The following GRM7 variants were observed in gnomAD, a reference collection of about 807,000 sequenced individuals.
GRM7 encodes glutamate metabotropic receptor 7, also known as metabotropic glutamate receptor 7.
A neutral mutation model predicts 84.5 loss-of-function variants in GRM7; 35 were observed. The ratio of observed to expected loss-of-function variants is 0.41; its 90% CI spans 0.32 to 0.55. The LOEUF (loss-of-function observed/expected upper bound fraction) is 0.55. Among genes scored for constraint, GRM7 ranks in the 20% least tolerant of loss-of-function variants. GRM7 has a pLI of 0.19. For missense variants in GRM7, 1,003 were observed against 1,194.6 expected, an observed-to-expected ratio of 0.84 and a Z score of 2.36; for synonymous variants, 487 against 455.1, an observed-to-expected ratio of 1.07 and a Z score of -0.89.
At chr3:7,085,420 G>T (rs931062377) in intron 1 of GRM7, among the ~76,000 whole-genome samples, 1 of 151,974 alleles carries the variant, frequency 6.6e-6, no homozygotes, top group Non-Finnish European at 1.5e-5. Context: ...ATTCGACTTG[G>T]TATAGAATTA....
chr3:7,391,061 G>A (rs932678192), intron 4 of GRM7, among the ~76,000 whole-genome samples: 6 of 151,294 alleles, frequency 4.0e-5, no homozygotes, highest in African/African-American at 9.7e-5. Context: ...TTTTCCCTTG[G>A]AGGTATGATT....
Position 7,188,809 on chromosome 3 carries a change from G to T in GRM7, c.736+42141G>T, listed in dbSNP as rs1695609791. Among the ~76,000 whole-genome samples, 1 of 152,160 alleles carries T rather than the reference G, an allele frequency of 6.6e-6. No individual in the cohort carries two copies. Among genetic ancestry groups the T allele is most frequent in the Non-Finnish European group, 1.5e-5 (1 of 68,014 alleles). ...CCTCCTGTGGCCCTGATATTCTGTA[G>T]TGACTCATGATCATTGCATCCAAGC... is the stretch of plus-strand genomic sequence containing the variant. On this transcript the variant is annotated intron_variant, in intron 2 of 9. Transcript: ENST00000357716. The surrounding 1 kb of genome is among the most constrained non-coding windows in gnomAD (Gnocchi z 4.2).
chr3:7,215,480 C>T (rs1033077112), intron 2 of GRM7, among the ~76,000 whole-genome samples: 10 of 151,960 alleles, frequency 6.6e-5, no homozygotes, highest in Non-Finnish European at 1.2e-4. Context: ...CTGGCTAACA[C>T]AGTGAAACCC....
intron 4 of GRM7, among the ~76,000 whole-genome samples, chr3:7,374,801 A>G (rs562124221): frequency 3.9e-5 from 6 of 152,014 alleles, no homozygotes; most frequent in Non-Finnish European, 7.4e-5. Flanking sequence ...GGTATGAGCT[A>G]TTTTAATGAG....
At chr3:7,190,862 T>C (rs924584703) in intron 2 of GRM7, among the ~76,000 whole-genome samples, 2 of 152,070 alleles carry the variant, frequency 1.3e-5, no homozygotes, top group African/African-American at 4.8e-5. Context: ...AGGCATCAGA[T>C]AAAAGCTGTC....
chr3:6,908,279 G>A (rs1381293631), intron 1 of GRM7, among the ~76,000 whole-genome samples: 3 of 152,130 alleles, frequency 2.0e-5, no homozygotes, highest in Non-Finnish European at 4.4e-5. Context: ...CTGCTTACGC[G>A]GTTCTTTCAC....
rs79762030 is a variant in GRM7 at position 7,660,208 on chromosome 3, G to A, written c.2452-19841G>A. On this transcript the variant is annotated intron_variant, in intron 8 of 9. Coordinates refer to ENST00000357716, the MANE Select transcript of GRM7 (RefSeq NM_000844.4). ...TTAATGGTGACATCTGGCAGTCACC[G>A]CTTTAACCACATGATCAAATTTAGC... 9.0e-3 allele frequency among the ~76,000 whole-genome samples: 1,373 copies of A among 152,226 alleles called. 31 individuals are homozygous for A. The highest frequency in any genetic ancestry group is 0.054 in the East Asian group (277 of 5,166).
rs567947139 is a variant in GRM7, at chr3:7,038,385, A to G, written c.520-108067A>G. Among the ~76,000 whole-genome samples the G allele has an allele frequency of 2.5e-4, 38 of 152,280 alleles. No homozygotes were observed. In the South Asian group the frequency reaches 7.7e-3, roughly 31 times the overall value. ...TTGGTATCCTACAAACTATCTGCAG[A>G]CTTGCTTGATTCCGCTTTCCCTTTC... On this transcript the variant is annotated intron_variant, in intron 1 of 9. Coordinates refer to ENST00000357716, the MANE Select transcript of GRM7 (RefSeq NM_000844.4).
intron 9 of GRM7, among the ~76,000 whole-genome samples, chr3:7,708,568 T>G (rs564539359): frequency 3.9e-5 from 6 of 152,158 alleles, no homozygotes; most frequent in Admixed American, 3.9e-4. Flanking sequence ...CATTTAACTT[T>G]ATACAGGTAC....
chr3:7,527,891 A>G (rs1344898746), intron 7 of GRM7, among the ~76,000 whole-genome samples: 2 of 151,966 alleles, frequency 1.3e-5, no homozygotes, highest in East Asian at 1.9e-4. Context: ...TATTGTGTTG[A>G]ATTAACTTTC....
intron 1 of GRM7, among the ~76,000 whole-genome samples, chr3:7,058,417 G>C (rs1385702410): frequency 6.6e-6 from 1 of 151,812 alleles, no homozygotes; most frequent in African/African-American, 2.4e-5. Context: ...AGGTTTGGAA[G>C]AATTAGCTCA....
intron 7 of GRM7, among the ~76,000 whole-genome samples, chr3:7,560,800 G>A (rs1693987251): frequency 6.6e-6 from 1 of 152,072 alleles, no homozygotes; most frequent in Admixed American, 6.6e-5. Flanking sequence ...TTGCCTTCAT[G>A]TAATTCTATC....
intron 2 of GRM7, among the ~76,000 whole-genome samples, chr3:7,230,988 G>A (rs879382364): frequency 6.6e-6 from 1 of 152,250 alleles, no homozygotes; most frequent in African/African-American, 2.4e-5. Context: ...TTCTTCACAG[G>A]AGCACTGAAA....
chr3:7,304,476 A>G (rs73130254), intron 3 of GRM7, among the ~76,000 whole-genome samples: 1 of 151,330 alleles, frequency 6.6e-6, no homozygotes, highest in East Asian at 1.9e-4. Flanking sequence ...CTAAGTTTTT[A>G]AACTTGAAAA....
chr3:6,993,490 C>T (rs931678322), intron 1 of GRM7, among the ~76,000 whole-genome samples: 2 of 152,176 alleles, frequency 1.3e-5, no homozygotes, highest in Non-Finnish European at 2.9e-5. Context: ...ACATGGTGTG[C>T]GTCCAGTAAG....
At chr3:7,097,687 G>A (rs989834904) in intron 1 of GRM7, among the ~76,000 whole-genome samples, 1 of 152,036 alleles carries the variant, frequency 6.6e-6, no homozygotes, top group African/African-American at 2.4e-5. Context: ...GTACAAGTTT[G>A]GTCTATATAC....
At chr3:6,901,602 TCTAAAAAAAAA>T (rs1696384644) in intron 1 of GRM7, among the ~76,000 whole-genome samples, 1 of 27,140 alleles carries the variant, frequency 3.7e-5, no homozygotes, top group African/African-American at 1.8e-4. Flanking sequence ...CAAGACTCCG[TCTAAAAAAAAA>T]AAAAAAAAAA....
chr3:7,412,773 TA>T (rs142903540), intron 4 of GRM7, among the ~76,000 whole-genome samples: 5,808 of 151,948 alleles, frequency 0.038, 384 homozygotes, highest in African/African-American at 0.13. Context: ...AACAATTTCA[TA>T]ATAAAAATAC....
rs369592692 is a variant in GRM7, at chr3:7,452,733, G to C, written c.1301G>C (p.Arg434Pro). The change falls in exon 6 of 10, where the codon CGG becomes CCG. Residue 434 changes from arginine to proline, a missense_variant. Arg to Pro is a moderately radical substitution (Grantham distance 103, BLOSUM62 -2). Transcript: ENST00000357716. Reference protein sequence around the residue: ...HMNKDLCADYRGVCPEMEQAG... With the variant: ...HMNKDLCADYPGVCPEMEQAG... ...AACAAGGATCTCTGTGCTGACTACC[G>C]GGGTGTCTGCCCAGAGATGGAGCAA... 1 of 1,612,864 alleles carries C rather than the reference G, an allele frequency of 6.2e-7. No individual in the cohort carries two copies. Among genetic ancestry groups the C allele is most frequent in the South Asian group, 1.1e-5 (1 of 91,048 alleles).
Sources: allele counts gnomAD v4.1 joint callset (sites outside exome capture counted in the v4.1 genomes callset), GRCh38; gene constraint gnomAD v4.1.1; non-coding constraint Gnocchi (gnomAD v3.1); transcripts MANE v1.5; gene names NCBI Gene and HGNC (gene_info 2026-07-23, HGNC 2026-07-21).